Variants in RANBP2 observed in about 807,000 individuals in gnomAD.
RANBP2 encodes E3 SUMO-protein ligase RanBP2.
Under a neutral mutation model 303.6 loss-of-function variants are expected in RANBP2, and 57 were observed. The ratio of observed to expected loss-of-function variants is 0.19; its 90% CI spans 0.15 to 0.23. The LOEUF (loss-of-function observed/expected upper bound fraction) is 0.23. RANBP2 is among the 10% of genes least tolerant of loss of function. The pLI is 1.00. For synonymous variants in RANBP2, 1,167 were observed against 1,301.5 expected, an observed-to-expected ratio of 0.90 and a Z score of 2.23; for missense variants, 3,138 against 3,780.8, an observed-to-expected ratio of 0.83 and a Z score of 4.46.
the RANBP2 span, among the ~76,000 whole-genome samples, chr2:109,699,150 C>T: frequency 6.6e-6 from 1 of 152,208 alleles, no homozygotes; most frequent in Admixed American, 6.5e-5. Flanking sequence ...ACCTACTGCT[C>T]TCTGGCGATT....
At chr2:109,182,971 C>G in the RANBP2 span, among the ~76,000 whole-genome samples, 1 of 152,214 alleles carries the variant, frequency 6.6e-6, no homozygotes, top group Non-Finnish European at 1.5e-5. Flanking sequence ...CACAGGACCC[C>G]ATTTTGGGTC....
the RANBP2 span, among the ~76,000 whole-genome samples, chr2:109,257,925 G>C: frequency 6.6e-6 from 1 of 152,122 alleles, no homozygotes; most frequent in Non-Finnish European, 1.5e-5. Flanking sequence ...GGCTCAGAAT[G>C]AATTAGACCA....
intron 7 of RANBP2, among the ~76,000 whole-genome samples, chr2:108,742,594 G>C (rs1319012273): frequency 6.6e-6 from 1 of 152,012 alleles, no homozygotes; most frequent in African/African-American, 2.4e-5. Flanking sequence ...ATAAGCCACC[G>C]AGCCCGGCCT....
At chr2:108,811,095 CTTTTCTTTTTTT>C in the RANBP2 span, among the ~76,000 whole-genome samples, 8 of 46,750 alleles carry the variant, frequency 1.7e-4, no homozygotes, top group Non-Finnish European at 3.5e-4. Flanking sequence ...CTCCTTTTTT[CTTTTCTTTTTTT>C]TTTTCTTTTT....
chr2:108,792,376 CGGGACTT>C, the RANBP2 span, among the ~76,000 whole-genome samples: 1 of 152,174 alleles, frequency 6.6e-6, no homozygotes, highest in East Asian at 1.9e-4. Context: ...ATAATTCTGT[CGGGACTT>C]GAGTTTCCTG....
chr2:109,144,273 C>T, the RANBP2 span, among the ~76,000 whole-genome samples: 2 of 152,228 alleles, frequency 1.3e-5, no homozygotes, highest in African/African-American at 2.4e-5. Flanking sequence ...ATCAAATTAT[C>T]ACTTGTATAC....
the RANBP2 span, among the ~76,000 whole-genome samples, chr2:109,055,823 C>T: frequency 8.9e-5 from 13 of 145,868 alleles, no homozygotes; most frequent in East Asian, 6.1e-4. Flanking sequence ...TGCAGTGGCG[C>T]GATCTTGGCT....
chr2:109,507,565 A>G, the RANBP2 span, among the ~76,000 whole-genome samples: 3 of 152,130 alleles, frequency 2.0e-5, no homozygotes, highest in Non-Finnish European at 4.4e-5. Context: ...ATCTTCCCAC[A>G]GTGATAGGAG....
At chr2:109,615,235 C>A in the RANBP2 span, 1 of 1,548,620 alleles carries the variant, frequency 6.5e-7, no homozygotes. Flanking sequence ...TCGGTGGCCT[C>A]GTCGTCCGCG....
At chr2:109,184,572 A>G in the RANBP2 span, among the ~76,000 whole-genome samples, 1 of 152,146 alleles carries the variant, frequency 6.6e-6, no homozygotes, top group Non-Finnish European at 1.5e-5. Context: ...CCTCTGATCC[A>G]GGTTGTTGGC....
rs1254970298 is a variant in RANBP2, at chr2:108,752,095, G to C, written c.1755+101G>C. On this transcript the variant is annotated intron_variant, in intron 12 of 28. Coordinates refer to ENST00000283195, the MANE Select transcript of RANBP2 (RefSeq NM_006267.5). ...TTTTTTGTTCTGAAAACAGCAGCTT[G>C]GTCACATTATGACAGATGTGTTTTT... 3 of 1,594,686 alleles carry C rather than the reference G, an allele frequency of 1.9e-6. No homozygotes were observed. In the African/African-American group the frequency reaches 4.1e-5, roughly 22 times the overall value.
the RANBP2 span, among the ~76,000 whole-genome samples, chr2:109,683,257 C>T: frequency 5.9e-5 from 9 of 152,282 alleles, no homozygotes; most frequent in South Asian, 1.2e-3. Flanking sequence ...CCGCCTGCCT[C>T]GGCCTCCCAA....
chr2:109,649,500 C>T, the RANBP2 span, among the ~76,000 whole-genome samples: 56 of 152,074 alleles, frequency 3.7e-4, no homozygotes, highest in African/African-American at 1.2e-3. Flanking sequence ...CGGGTTCAAG[C>T]GATTCTCCTG....
chr2:109,731,571 T>A, the RANBP2 span, among the ~76,000 whole-genome samples: 2 of 151,940 alleles, frequency 1.3e-5, no homozygotes. Context: ...ATTTTTGTAT[T>A]TTTAGTAGAG....
downstream of RANBP2, among the ~76,000 whole-genome samples, chr2:108,788,434 A>G (rs573023123): frequency 4.0e-5 from 5 of 125,552 alleles, no homozygotes; most frequent in African/African-American, 1.5e-4. Flanking sequence ...AAAGAAAAAA[A>G]TAGGCTGCGC....
rs1350830338 is a variant in RANBP2 at position 108,766,304 on chromosome 2, T to G, written c.5765T>G (p.Phe1922Cys). Residue 1922 changes from phenylalanine to cysteine, a missense_variant, in exon 20 of 29, where the codon TTC (phenylalanine) becomes TGC (cysteine). Transcript: ENST00000283195. Reference protein sequence around the residue: ...SEKPLENGTGFQAQDISGQKN... With the variant: ...SEKPLENGTGCQAQDISGQKN... ...AAGCCTCTTGAAAATGGTACTGGCT[T>G]CCAGGCTCAGGATATTAGTGGCCAG... The G allele has an allele frequency of 6.2e-7, 1 of 1,612,036 alleles. No homozygotes were observed. Among genetic ancestry groups the G allele is most frequent in the East Asian group, 2.2e-5 (1 of 44,874 alleles).
chr2:109,719,027 A>AAAC, the RANBP2 span, among the ~76,000 whole-genome samples: 422 of 118,274 alleles, frequency 3.6e-3, 30 homozygotes, highest in Admixed American at 5.1e-3. Flanking sequence ...AAAAAAAAAA[A>AAAC]AGAAACAAAA....
chr2:109,740,982 G>GA, the RANBP2 span, among the ~76,000 whole-genome samples: 801 of 68,764 alleles, frequency 0.012, 15 homozygotes, highest in African/African-American at 0.044. Context: ...AAATATTTAA[G>GA]AAAAAATTGT....
At chr2:109,304,373 ACATAATGTCCTC>A in the RANBP2 span, among the ~76,000 whole-genome samples, 1 of 152,132 alleles carries the variant, frequency 6.6e-6, no homozygotes, top group Non-Finnish European at 1.5e-5. Context: ...ATTTCGTTTA[ACATAATGTCCTC>A]CAAGTTCATC....
Sources: gnomAD v4.1 joint callset for allele counts (sites outside exome capture counted in the v4.1 genomes callset) on GRCh38, gnomAD v4.1.1 for gene constraint, MANE v1.5 for transcripts, NCBI Gene and HGNC (gene_info 2026-07-23, HGNC 2026-07-21) for gene names.